The following SPAG17 variants were observed in gnomAD, a reference collection of about 807,000 sequenced individuals.
SPAG17 encodes the protein sperm-associated antigen 17.
A neutral mutation model predicts 273.6 loss-of-function variants in SPAG17; 169 were observed. The observed-to-expected ratio is 0.62, with a 90% CI of 0.55 to 0.70. The LOEUF is 0.70. Among genes scored for constraint, SPAG17 ranks in the 30% least tolerant of loss-of-function variants. The pLI is 0.00. For synonymous variants in SPAG17, 825 were observed against 873.2 expected, an observed-to-expected ratio of 0.94 and a Z score of 0.97; for missense variants, 2,557 against 2,627.8, an observed-to-expected ratio of 0.97 and a Z score of 0.59.
At chr1:118,150,772 T>C (rs1419471402) in intron 2 of SPAG17, 143 bp from the exon 3 acceptor site, 2 of 543,562 alleles carry the variant, frequency 3.7e-6, no homozygotes, top group Non-Finnish European at 6.5e-6. Context: ...GGTAAAATAT[T>C]TATAGTTACT....
At chr1:118,012,158 G>C in intron 30 of SPAG17, 70 bp downstream of exon 30, 1 of 1,477,456 alleles carries the variant, frequency 6.8e-7, no homozygotes, top group South Asian at 1.2e-5. Context: ...TCAGCAGTCA[G>C]TGAGGATTCT....
intron 48 of SPAG17, chr1:117,959,504 C>A: frequency 1.3e-6 from 2 of 1,492,022 alleles, no homozygotes; most frequent in Non-Finnish European, 1.8e-6. Flanking sequence ...GACTCCTAAA[C>A]TAAGCACAGA....
intron 48 of SPAG17, chr1:117,960,648 C>T (rs537796146): frequency 1.4e-4 from 22 of 152,316 alleles, no homozygotes; most frequent in African/African-American, 5.3e-4. Flanking sequence ...TGCATACGCA[C>T]AACACTTGAG....
intron 4 of SPAG17, 101 bp downstream of exon 4, chr1:118,115,209 T>C (rs1657001608): frequency 3.1e-5 from 43 of 1,408,034 alleles, no homozygotes; most frequent in Non-Finnish European, 4.2e-5. Context: ...AGGTAACACT[T>C]AATGGTAGGC....
chr1:118,147,240 A>G (rs1220113511), intron 3 of SPAG17, among the ~76,000 whole-genome samples: 3 of 152,218 alleles, frequency 2.0e-5, no homozygotes, highest in Non-Finnish European at 4.4e-5. Flanking sequence ...ATCGTCTGAT[A>G]GTGCCTGGCA....
At chr1:118,148,009 G>A (rs1356172143) in intron 3 of SPAG17, among the ~76,000 whole-genome samples, 1 of 152,188 alleles carries the variant, frequency 6.6e-6, no homozygotes, top group Non-Finnish European at 1.5e-5. Context: ...CCTACAAGTA[G>A]AAGTAAATAC....
chr1:118,087,037 G>C (rs765871567), intron 10 of SPAG17, 29 bp from the exon 11 acceptor site: 1 of 1,539,274 alleles, frequency 6.5e-7, no homozygotes, highest in Non-Finnish European at 8.7e-7. Flanking sequence ...AGAGGAATTG[G>C]TGTAAGGGTC....
intron 1 of SPAG17, among the ~76,000 whole-genome samples, chr1:118,164,520 CTG>C (rs1321874409): frequency 1.3e-5 from 2 of 152,326 alleles, no homozygotes; most frequent in East Asian, 3.9e-4. Context: ...CTTTTTGAAT[CTG>C]TCTCTTCCTT....
At chr1:118,114,770 C>T (rs771323380) in intron 4 of SPAG17, among the ~76,000 whole-genome samples, 1 of 152,028 alleles carries the variant, frequency 6.6e-6, no homozygotes, top group Non-Finnish European at 1.5e-5. Flanking sequence ...AGATTGATTT[C>T]TATAAGCAAA....
At chr1:118,044,955 T>C (rs1164087555) in intron 20 of SPAG17, among the ~76,000 whole-genome samples, 2 of 152,214 alleles carry the variant, frequency 1.3e-5, no homozygotes, top group African/African-American at 4.8e-5. Flanking sequence ...TAGTTCTTTA[T>C]AAAAATGTGA....
intron 48 of SPAG17, among the ~76,000 whole-genome samples, chr1:117,956,773 A>G (rs79017997): frequency 6.6e-6 from 1 of 152,358 alleles, no homozygotes; most frequent in East Asian, 1.9e-4. Flanking sequence ...GTAAAAGAAT[A>G]TCATATGAAG....
At chr1:118,097,910 A>T in intron 6 of SPAG17, 59 bp from the exon 7 acceptor site, 1 of 1,239,742 alleles carries the variant, frequency 8.1e-7, no homozygotes. Context: ...TTCCCACTTT[A>T]AGTGAACATG....
Position 118,150,586 on chromosome 1 carries a change from T to A in SPAG17, c.272A>T (p.Lys91Met), listed in dbSNP as rs1480111473. ...ATTACCACCTACAGGTTTTTTTGCC[T>A]TTTTAGATGAAGCAGATCCAACAAG... ...NTLVGSASSK[K>M]AKKPVGGNAP... Residue 91 changes from lysine to methionine, a missense_variant, in exon 3 of 49, where the codon AAG (lysine) becomes ATG (methionine). Coordinates refer to ENST00000336338, the MANE Select transcript of SPAG17 (RefSeq NM_206996.4). 6.3e-7 allele frequency: 1 copy of A among 1,578,542 alleles called. No homozygotes were observed. Among genetic ancestry groups the A allele is most frequent in the African/African-American group, 1.3e-5 (1 of 74,264 alleles).
At chr1:118,135,416 T>C (rs1323973531) in intron 3 of SPAG17, among the ~76,000 whole-genome samples, 1 of 150,970 alleles carries the variant, frequency 6.6e-6, no homozygotes, top group African/African-American at 2.4e-5. Context: ...TGTGTATGTG[T>C]GTGTGTGTGT....
In SPAG17 at chr1:118,028,307, GC is replaced by G. The variant is rs1372341600; in HGVS notation, c.3696del (p.Leu1233SerfsTer3). 1 of 1,613,700 alleles carries G rather than the reference GC, an allele frequency of 6.2e-7. No homozygotes were observed. Among genetic ancestry groups the G allele is most frequent in the Non-Finnish European group, 8.5e-7 (1 of 1,179,704 alleles). ...FQSLNVSCPS[G>X]LLLTFIGQES... ...TCTTGTCCAATGAAAGTCAACAGGA[GC>G]CCACTGGGGCAAGACACATTTAGGC... On this transcript the variant is annotated frameshift_variant, in exon 26 of 49. Transcript: ENST00000336338. LOFTEE classifies it high-confidence loss of function.
At chr1:117,993,609 T>C (rs549482445) in intron 35 of SPAG17, among the ~76,000 whole-genome samples, 29 of 152,304 alleles carry the variant, frequency 1.9e-4, no homozygotes, top group East Asian at 9.6e-4. Context: ...TAGGAGGTCA[T>C]TGTAATCTTA....
intron 46 of SPAG17, among the ~76,000 whole-genome samples, chr1:117,968,920 C>T (rs1432221319): frequency 6.6e-6 from 1 of 152,188 alleles, no homozygotes; most frequent in African/African-American, 2.4e-5. Context: ...CACTATGTGC[C>T]TGGCTCTGTA....
At chr1:118,167,018 A>G (rs929573151) in intron 1 of SPAG17, among the ~76,000 whole-genome samples, 6 of 152,282 alleles carry the variant, frequency 3.9e-5, no homozygotes, top group African/African-American at 1.4e-4. Flanking sequence ...GTTTAACTAC[A>G]TAACACATTA....
intron 16 of SPAG17, 38 bp from the exon 17 acceptor site, chr1:118,074,005 G>GT: frequency 6.9e-7 from 1 of 1,459,822 alleles, no homozygotes; most frequent in South Asian, 1.4e-5. Flanking sequence ...GCTTTAATTT[G>GT]TTTAAGTCCA....
Sources: gnomAD v4.1 joint callset for allele counts (sites outside exome capture counted in the v4.1 genomes callset) on GRCh38, gnomAD v4.1.1 for gene constraint, MANE v1.5 for transcripts, NCBI Gene and HGNC (gene_info 2026-07-23, HGNC 2026-07-21) for gene names.